METTL23: variants seen among roughly 807,000 people sequenced by gnomAD.
METTL23 encodes the protein histone-arginine methyltransferase METTL23.
Under a neutral mutation model 21.2 loss-of-function variants are expected in METTL23, and 24 were observed. The ratio of observed to expected loss-of-function variants is 1.13; its 90% CI spans 0.82 to 1.59. METTL23 has a LOEUF of 1.59. METTL23 is among the 40% of genes most tolerant of loss of function. The pLI, the probability that METTL23 is intolerant of heterozygous loss-of-function variation, is 0.00. For synonymous variants in METTL23, 97 were observed against 75.2 expected (o/e 1.29, Z -1.50); for missense variants, 276 against 221.4 (o/e 1.25, Z -1.57).
At chr17:76,727,919 T>G (rs2077018727) in intron 1 of METTL23, among the ~76,000 whole-genome samples, 1 of 152,184 alleles carries the variant, frequency 6.6e-6, no homozygotes, top group South Asian at 2.1e-4. Context: ...CACTTTCACT[T>G]TGCAGTATTT....
At chr17:76,733,268 C>A (rs1486382879) in intron 3 of METTL23, 25 bp from the exon 4 acceptor site, 3 of 1,612,418 alleles carry the variant, frequency 1.9e-6, no homozygotes, top group Non-Finnish European at 2.5e-6. Context: ...ATATGAAAAT[C>A]TATTCATAAA....
At chr17:76,733,484 A>ATTCT (rs758056176) in intron 4 of METTL23, 37 bp from the exon 5 acceptor site, 43 of 1,601,248 alleles carry the variant, frequency 2.7e-5, no homozygotes, top group African/African-American at 5.4e-5. Context: ...AAAACAGAAA[A>ATTCT]GGCATGACTT....
intron 2 of METTL23, among the ~76,000 whole-genome samples, chr17:76,730,375 G>C (rs888260606): frequency 1.3e-5 from 2 of 152,146 alleles, no homozygotes; most frequent in African/African-American, 4.8e-5. Flanking sequence ...GGTCGAGGTG[G>C]GAAGATGACT....
At position 76,733,145 on chromosome 17, in the gene METTL23, A is replaced by G. The variant is rs756714500; in HGVS notation, c.252A>G (p.Ile84Met). 1.1e-5 allele frequency: 18 copies of G among 1,613,800 alleles called. No homozygotes were observed. Among genetic ancestry groups the G allele is most frequent in the Non-Finnish European group, 1.5e-5 (18 of 1,179,874 alleles). The change falls in exon 3 of 5, where the codon ATA (isoleucine) becomes ATG (methionine). Residue 84 changes from isoleucine (I) to methionine (M), a missense_variant. Coordinates refer to ENST00000341249, the MANE Select transcript of METTL23 (RefSeq NM_001080510.5). ...LQVVGLTWGH[I>M]SWDLLALPPQ... Reference sequence around the variant, plus strand: ...TGGTAGGACTAACATGGGGTCATATATCTTGGGATCTTCTGGCTCTACCAC... The same window carrying G: ...TGGTAGGACTAACATGGGGTCATATGTCTTGGGATCTTCTGGCTCTACCAC...
rs555785610 is a variant in METTL23, at chr17:76,732,809, T to C, written c.85-169T>C. 2.2e-5 allele frequency: 14 copies of C among 627,078 alleles called. No individual in the cohort carries two copies. In the African/African-American group the frequency reaches 2.4e-4, roughly 11 times the overall value. The allele number at this position is 627,078 out of a possible 1,614,324, so 38.8% of individuals were successfully genotyped here. A position where few individuals can be genotyped will look rare whatever the true frequency, so the allele number is the denominator to read the frequency against. On this transcript the variant is annotated intron_variant, in intron 2 of 4. Coordinates refer to ENST00000341249, the MANE Select transcript of METTL23 (RefSeq NM_001080510.5). ...AGAGTAGATTCATAAGGAATGTACT[T>C]TTGTCATGTTTATAGTAATGTTCAG...
upstream of METTL23, chr17:76,726,726 G>A: frequency 1.9e-6 from 1 of 528,604 alleles, no homozygotes; most frequent in South Asian, 2.0e-5. Flanking sequence ...TGGCTCCCCT[G>A]GGGTACTCCT....
Position 76,733,228 on chromosome 17 carries a change from G to C in METTL23, c.322+13G>C. The C allele has an allele frequency of 6.2e-7, 1 of 1,612,918 alleles. No individual in the cohort carries two copies. The highest frequency in any genetic ancestry group is 8.5e-7 in the Non-Finnish European group (1 of 1,179,158). The stretch of plus-strand genomic sequence containing the variant: ...TTTGAACCAGAAGGTAAGCTTTTTT[G>C]GCTCAATAGTACATTTGGCCAGTGA... On this transcript the variant is annotated intron_variant, in intron 3 of 4. Coordinates refer to ENST00000341249, the MANE Select transcript of METTL23 (RefSeq NM_001080510.5).
chr17:76,728,290 C>G (rs1051239783), intron 1 of METTL23, among the ~76,000 whole-genome samples: 1 of 151,334 alleles, frequency 6.6e-6, no homozygotes, highest in Admixed American at 6.6e-5. Flanking sequence ...TGTTTCCAAA[C>G]AGCTTCACTT....
intron 2 of METTL23, chr17:76,732,596 T>C (rs954075308): frequency 1.9e-5 from 4 of 214,498 alleles, no homozygotes; most frequent in African/African-American, 4.7e-5. Context: ...TGAGCCGATA[T>C]TGCACCACTG....
At chr17:76,733,257 T>C (rs746774182) in intron 3 of METTL23, 36 bp from the exon 4 acceptor site, 5 of 1,613,046 alleles carry the variant, frequency 3.1e-6, no homozygotes, top group Non-Finnish European at 4.2e-6. Context: ...CCAGTGATGC[T>C]ATATGAAAAT....
intron 2 of METTL23, 104 bp downstream of exon 2, chr17:76,729,898 T>C (rs959987095): frequency 7.2e-6 from 6 of 838,458 alleles, no homozygotes; most frequent in African/African-American, 6.8e-5. Context: ...TATTTTTAAA[T>C]CGGGTAATTT....
rs751481066 is a variant in METTL23 at position 76,729,765 on chromosome 17, A to G, written c.55A>G (p.Arg19Gly). Residue 19 changes from arginine to glycine, a missense_variant, in exon 2 of 5, where the codon AGA (arginine) becomes GGA (glycine). By Grantham distance (125) the Arg-to-Gly change is moderately radical (BLOSUM62 -2). Transcript: ENST00000341249. ...GGCCCAGTACCTTTGGTTTCACAGA[A>G]GATCTCTGCCAGGCAAGGCCATCTT... is the stretch of plus-strand genomic sequence containing the variant. ...VLAQYLWFHR[R>G]SLPGKAILEI... 6.3e-7 allele frequency: 1 copy of G among 1,597,100 alleles called. No homozygotes were observed. The highest frequency in any genetic ancestry group is 1.3e-5 in the African/African-American group (1 of 74,736).
chr17:76,726,905 G>A lies in METTL23; in HGVS notation c.-295G>A, dbSNP rs1284146758. 1 of 452,988 alleles carries A rather than the reference G, an allele frequency of 2.2e-6. No individual in the cohort carries two copies. Among genetic ancestry groups the A allele is most frequent in the Non-Finnish European group, 4.5e-6 (1 of 223,914 alleles). The allele number at this position is 452,988 out of a possible 1,614,324, so 28.1% of individuals were successfully genotyped here. On this transcript the variant is annotated 5_prime_UTR_variant, in exon 1 of 5. Transcript: ENST00000341249. ...GTGAGTCTCTTTCGCCTTGCTCCGG[G>A]CTTTCTTCGCTCGCAGCGCGGCAGG...
rs10690835 is a variant in METTL23 at position 76,728,792 on chromosome 17, CT to C, written c.-21-880del. 6.9e-3 allele frequency among the ~76,000 whole-genome samples: 818 copies of C among 118,778 alleles called. 7 individuals are homozygous for C. The highest frequency in any genetic ancestry group is 0.024 in the African/African-American group (719 of 30,470). The allele number at this position is 118,778 out of a possible 152,430, so 77.9% of individuals were successfully genotyped here. A position where few individuals can be genotyped will look rare whatever the true frequency, so the allele number is the denominator to read the frequency against. On this transcript the variant is annotated intron_variant, in intron 1 of 4. Coordinates refer to ENST00000341249, the MANE Select transcript of METTL23 (RefSeq NM_001080510.5). Reference sequence around the variant, plus strand: ...GCCTGTGAGAATAGAAGCCTCTTTCCTTTTTTTTTTTTTTTTTTGGAGTTGG... The same window carrying C: ...GCCTGTGAGAATAGAAGCCTCTTTCCTTTTTTTTTTTTTTTTTGGAGTTGG...
chr17:76,727,331 G>A, intron 1 of METTL23, 153 bp downstream of exon 1: 1 of 338,732 alleles, frequency 3.0e-6, no homozygotes, highest in Non-Finnish European at 5.9e-6. Flanking sequence ...CGGATATGAA[G>A]CCCTTCGGTG....
At chr17:76,732,800 G>C (rs140802535) in intron 2 of METTL23, 178 bp from the exon 3 acceptor site, 2 of 616,842 alleles carry the variant, frequency 3.2e-6, no homozygotes, top group East Asian at 2.7e-5. Context: ...GATTCATAAG[G>C]AATGTACTTT....
upstream of METTL23, chr17:76,726,521 G>T (rs1821486534): frequency 1.9e-6 from 3 of 1,558,952 alleles, no homozygotes; most frequent in Non-Finnish European, 2.6e-6. Context: ...GGCGCAGCCC[G>T]CTTCCTGACA....
At chr17:76,726,229 G>A (rs1357668410), upstream of METTL23, 3 of 1,331,158 alleles carry the variant, frequency 2.3e-6, no homozygotes, top group African/African-American at 1.6e-5. Flanking sequence ...CGGGGTGCGG[G>A]TGAGCCTCTA....
intron 2 of METTL23, chr17:76,732,656 A>G (rs2077265740): frequency 2.9e-6 from 1 of 350,050 alleles, no homozygotes; most frequent in Non-Finnish European, 5.4e-6. Flanking sequence ...AAAATAAAAC[A>G]AAACTGAAAA....
Sources: gnomAD v4.1 joint callset for allele counts (sites outside exome capture counted in the v4.1 genomes callset) on GRCh38, gnomAD v4.1.1 for gene constraint, MANE v1.5 for transcripts, NCBI Gene and HGNC (gene_info 2026-07-23, HGNC 2026-07-21) for gene names.